Variants in DHCR24 observed in about 807,000 individuals in gnomAD.
DHCR24 encodes 24-dehydrocholesterol reductase, also known as delta(24)-sterol reductase.
In DHCR24, 28 loss-of-function variants were observed where a neutral mutation model predicts 61.2. The ratio of observed to expected loss-of-function variants is 0.46; its 90% CI spans 0.34 to 0.63. The LOEUF (loss-of-function observed/expected upper bound fraction) is 0.63. Among genes scored for constraint, DHCR24 ranks in the 20% least tolerant of loss-of-function variants. The pLI is 0.01. For synonymous variants in DHCR24, 261 were observed against 275.9 expected (o/e 0.95, Z 0.54); for missense variants, 538 against 679.1 (o/e 0.79, Z 2.31).
At chr1:54,876,685 GTTC>G (rs1401012591) in intron 2 of DHCR24, among the ~76,000 whole-genome samples, 1 of 151,674 alleles carries the variant, frequency 6.6e-6, no homozygotes, top group Non-Finnish European at 1.5e-5. Context: ...ACCCTTCCTA[GTTC>G]TTCAGAATTA....
chr1:54,864,324 A>G, intron 6 of DHCR24, among the ~76,000 whole-genome samples: 1 of 152,238 alleles, frequency 6.6e-6, no homozygotes, highest in East Asian at 1.9e-4. Flanking sequence ...CAGATGAGTG[A>G]CAAAACAAAA....
Position 54,852,011 on chromosome 1 carries a change from C to T in DHCR24, c.*222G>A, listed in dbSNP as rs866307351. On this transcript the variant is annotated 3_prime_UTR_variant, in exon 9 of 9. Transcript: ENST00000371269. ...AGTCACACAGCTAATGAGTTCTAAA[C>T]GGGGAACTGGACTCAGGCTTGTCTG... 25 of 595,362 alleles carry T rather than the reference C, an allele frequency of 4.2e-5. No individual in the cohort carries two copies. The highest frequency in any genetic ancestry group is 9.0e-4 in the Middle Eastern group (2 of 2,216). The allele number at this position is 595,362 out of a possible 1,614,324, so 36.9% of individuals were successfully genotyped here.
Position 54,856,985 on chromosome 1 carries a change from T to C in DHCR24, c.1021-2751A>G, listed in dbSNP as rs547824811. The stretch of plus-strand genomic sequence containing the variant: ...GGAGTTCTGTTTTGCCTGTCTCTAA[T>C]TCTGAGTTAGACTGTATCACACTGT... On this transcript the variant is annotated intron_variant, in intron 6 of 8. Coordinates refer to ENST00000371269, the MANE Select transcript of DHCR24 (RefSeq NM_014762.4). 2.0e-5 allele frequency among the ~76,000 whole-genome samples: 3 copies of C among 152,302 alleles called. No individual in the cohort carries two copies. In the South Asian group the frequency reaches 6.2e-4, roughly 32 times the overall value.
At chr1:54,858,384 CA>C (rs1557431083) in intron 6 of DHCR24, among the ~76,000 whole-genome samples, 1 of 152,244 alleles carries the variant, frequency 6.6e-6, no homozygotes, top group Non-Finnish European at 1.5e-5. Flanking sequence ...CTTGTGACTG[CA>C]CCACAGCTTG....
chr1:54,871,666 G>C, intron 4 of DHCR24, 53 bp from the exon 5 acceptor site: 1 of 1,613,116 alleles, frequency 6.2e-7, no homozygotes, highest in African/African-American at 1.3e-5. Flanking sequence ...CCCACATTGT[G>C]GCATGCAGTC....
At chr1:54,873,657 C>T (rs1374469283) in intron 4 of DHCR24, among the ~76,000 whole-genome samples, 1 of 152,104 alleles carries the variant, frequency 6.6e-6, no homozygotes, top group Non-Finnish European at 1.5e-5. Context: ...ATGTCTTGAC[C>T]TTTTTTCTTT....
At chr1:54,884,034 ACT>A (rs1160829371) in intron 1 of DHCR24, among the ~76,000 whole-genome samples, 1 of 152,164 alleles carries the variant, frequency 6.6e-6, no homozygotes, top group African/African-American at 2.4e-5. Flanking sequence ...GAAAACATTA[ACT>A]CTAGCTGGGA....
At chr1:54,856,871 A>T (rs1277733360) in intron 6 of DHCR24, among the ~76,000 whole-genome samples, 2 of 152,190 alleles carry the variant, frequency 1.3e-5, no homozygotes, top group Non-Finnish European at 1.5e-5. Context: ...AATGTAGAAC[A>T]CTGTTTCCCT....
intron 2 of DHCR24, among the ~76,000 whole-genome samples, chr1:54,882,297 A>T (rs78899963): frequency 5.9e-5 from 9 of 152,338 alleles, no homozygotes; most frequent in African/African-American, 1.9e-4. Flanking sequence ...ATTACAATGA[A>T]AAACTACTAC....
At chr1:54,876,153 G>A in intron 2 of DHCR24, 106 bp from the exon 3 acceptor site, 1 of 823,482 alleles carries the variant, frequency 1.2e-6, no homozygotes, top group Non-Finnish European at 2.1e-6. Flanking sequence ...AACACTCACT[G>A]CAGGGATTCC....
chr1:54,857,457 T>TA (rs1416116188), intron 6 of DHCR24, among the ~76,000 whole-genome samples: 1 of 152,222 alleles, frequency 6.6e-6, no homozygotes, highest in Admixed American at 6.5e-5. Context: ...AATGATGACA[T>TA]AAAAAGGAAT....
intron 2 of DHCR24, among the ~76,000 whole-genome samples, chr1:54,879,322 G>GGGAAAAAAA: frequency 9.2e-6 from 1 of 108,536 alleles, no homozygotes; most frequent in Non-Finnish European, 1.8e-5. Context: ...GACTCCATCT[G>GGGAAAAAAA]AAAAAAAAAA....
intron 6 of DHCR24, among the ~76,000 whole-genome samples, chr1:54,862,596 C>T (rs1308796690): frequency 6.6e-6 from 1 of 152,092 alleles, no homozygotes; most frequent in East Asian, 1.9e-4. Context: ...CTCTATCTGC[C>T]CTCACTCATC....
intron 6 of DHCR24, among the ~76,000 whole-genome samples, chr1:54,859,474 C>CT (rs893384331): frequency 2.0e-3 from 297 of 150,264 alleles, no homozygotes; most frequent in East Asian, 0.017. Flanking sequence ...CCAACAGTTC[C>CT]TTTTTTTTTT....
chr1:54,857,166 T>A (rs1646912073), intron 6 of DHCR24, among the ~76,000 whole-genome samples: 1 of 152,264 alleles, frequency 6.6e-6, no homozygotes, highest in Non-Finnish European at 1.5e-5. Context: ...GTCCACCCAT[T>A]ACTTATCCTA....
chr1:54,863,099 A>C (rs1646948004), intron 6 of DHCR24, among the ~76,000 whole-genome samples: 1 of 124,942 alleles, frequency 8.0e-6, no homozygotes, highest in Admixed American at 8.1e-5. Context: ...AAAAAAAAAA[A>C]AGGCAGTCAA....
At chr1:54,882,228 T>A (rs139392543) in intron 2 of DHCR24, among the ~76,000 whole-genome samples, 1 of 151,944 alleles carries the variant, frequency 6.6e-6, no homozygotes, top group Non-Finnish European at 1.5e-5. Flanking sequence ...AAAGAAGATA[T>A]ACAAATAGCA....
chr1:54,875,997 C>A lies in DHCR24; in HGVS notation c.438G>T (p.Leu146=). The change falls in exon 3 of 9, where the codon CTG becomes CTT. Residue 146 remains leucine (L), a synonymous_variant. Coordinates refer to ENST00000371269, the MANE Select transcript of DHCR24 (RefSeq NM_014762.4). ...LVTMGQVTAL[L]TSIGWTLPVL... ...CGGGGAGAGTCCAGCCAATGGAGGTCAGCAGGGCAGTCACCTGGCCCATGG... is the reference window on the plus strand; with the variant it reads ...CGGGGAGAGTCCAGCCAATGGAGGTAAGCAGGGCAGTCACCTGGCCCATGG... The A allele has an allele frequency of 6.2e-7, 1 of 1,613,988 alleles. No homozygotes were observed. Among genetic ancestry groups the A allele is most frequent in the South Asian group, 1.1e-5 (1 of 91,078 alleles).
At chr1:54,881,081 C>A (rs192243827) in intron 2 of DHCR24, among the ~76,000 whole-genome samples, 1 of 152,184 alleles carries the variant, frequency 6.6e-6, no homozygotes. Context: ...ACCTGGGAGG[C>A]GGAGGCTGCA....
Sources: allele counts gnomAD v4.1 joint callset (sites outside exome capture counted in the v4.1 genomes callset), GRCh38; gene constraint gnomAD v4.1.1; transcripts MANE v1.5; gene names NCBI Gene and HGNC (gene_info 2026-07-23, HGNC 2026-07-21).